ACTR3C: variants seen among roughly 807,000 people sequenced by gnomAD.
The protein encoded by ACTR3C is actin-related protein 3C.
ACTR3C carries 18 observed loss-of-function variants against 26.3 expected under a neutral mutation model. The observed-to-expected ratio is 0.68, with a 90% confidence interval of 0.47 to 1.01. The LOEUF is 1.01. ACTR3C is among the 50% of genes least tolerant of loss of function. The pLI is 0.00. For synonymous variants in ACTR3C, 55 were observed against 94.5 expected (o/e 0.58, Z 2.42); for missense variants, 184 against 250.7 (o/e 0.73, Z 1.80).
the ACTR3C span, among the ~76,000 whole-genome samples, chr7:149,996,582 A>AAAATAAAT: frequency 1.5e-4 from 22 of 149,016 alleles, no homozygotes; most frequent in Admixed American, 3.4e-4. Flanking sequence ...TTCTGGTAAA[A>AAAATAAAT]AAATAAATAA....
the ACTR3C span, among the ~76,000 whole-genome samples, chr7:149,901,593 A>T: frequency 6.6e-6 from 1 of 152,140 alleles, no homozygotes; most frequent in East Asian, 1.9e-4. Context: ...AGCTATAATG[A>T]TGAATCAAAA....
At chr7:150,278,668 A>G (rs1171374354) in intron 6 of ACTR3C, among the ~76,000 whole-genome samples, 2 of 152,238 alleles carry the variant, frequency 1.3e-5, no homozygotes, top group African/African-American at 4.8e-5. Flanking sequence ...TGAGCTGGGC[A>G]AGTCAATGTC....
chr7:149,904,895 G>A, the ACTR3C span, among the ~76,000 whole-genome samples: 1 of 151,628 alleles, frequency 6.6e-6, no homozygotes, highest in East Asian at 1.9e-4. Context: ...ACGTGGTGGT[G>A]GGCGCCTGTA....
chr7:149,986,182 C>T, the ACTR3C span, among the ~76,000 whole-genome samples: 1 of 151,984 alleles, frequency 6.6e-6, no homozygotes. Flanking sequence ...TTGCAAACTT[C>T]CTAGGAAATC....
At chr7:149,989,606 A>G in the ACTR3C span, among the ~76,000 whole-genome samples, 1 of 151,866 alleles carries the variant, frequency 6.6e-6, no homozygotes, top group South Asian at 2.1e-4. Context: ...CAATTGACAG[A>G]CTCTCCTGCT....
intron 6 of ACTR3C, among the ~76,000 whole-genome samples, chr7:150,282,964 G>A (rs59712970): frequency 0.19 from 27,083 of 146,300 alleles, 4,364 homozygotes; most frequent in African/African-American, 0.37. Flanking sequence ...AAAGCCAACC[G>A]TGCCACTTGG....
the ACTR3C span, among the ~76,000 whole-genome samples, chr7:150,079,853 A>G: frequency 1.4e-4 from 22 of 152,240 alleles, no homozygotes; most frequent in African/African-American, 5.1e-4. Flanking sequence ...AGACCTTTCT[A>G]GATCCCCAAA....
chr7:149,970,362 G>A, the ACTR3C span, among the ~76,000 whole-genome samples: 1 of 151,802 alleles, frequency 6.6e-6, no homozygotes, highest in South Asian at 2.1e-4. Flanking sequence ...TGTTCATCTT[G>A]GAAGCAAAAT....
chr7:150,204,723 G>A, the ACTR3C span, among the ~76,000 whole-genome samples: 6 of 151,982 alleles, frequency 3.9e-5, no homozygotes, highest in South Asian at 2.1e-4. Context: ...GAGGATTGAC[G>A]AGTGCAGAGG....
chr7:150,119,876 C>T, the ACTR3C span, among the ~76,000 whole-genome samples: 7 of 152,214 alleles, frequency 4.6e-5, no homozygotes, highest in South Asian at 4.2e-4. Context: ...GAAATTAAAG[C>T]GAACAGTCTC....
chr7:150,047,415 C>T, the ACTR3C span, among the ~76,000 whole-genome samples: 3 of 152,276 alleles, frequency 2.0e-5, no homozygotes, highest in Middle Eastern at 3.4e-3. Context: ...CGGCTGCAGA[C>T]ACAGACCCGC....
the ACTR3C span, among the ~76,000 whole-genome samples, chr7:149,906,619 A>G: frequency 2.0e-5 from 3 of 147,070 alleles, no homozygotes; most frequent in East Asian, 6.0e-4. Context: ...TTTAGTAGAG[A>G]TGGGGTGTTG....
At chr7:150,150,369 T>C in the ACTR3C span, among the ~76,000 whole-genome samples, 1 of 152,240 alleles carries the variant, frequency 6.6e-6, no homozygotes, top group Non-Finnish European at 1.5e-5. Context: ...ATTGAGGCTA[T>C]GTTCTCAGCT....
At chr7:149,986,250 G>C in the ACTR3C span, among the ~76,000 whole-genome samples, 2 of 152,224 alleles carry the variant, frequency 1.3e-5, no homozygotes, top group African/African-American at 2.4e-5. Context: ...CATTGCCAAA[G>C]CCTCCATCCC....
chr7:150,037,857 C>G, the ACTR3C span, among the ~76,000 whole-genome samples: 1 of 100,290 alleles, frequency 1.0e-5, no homozygotes, highest in African/African-American at 3.8e-5. Flanking sequence ...GCCTCCGCCC[C>G]CAGCGATGGG....
the ACTR3C span, among the ~76,000 whole-genome samples, chr7:150,193,253 G>A: frequency 2.0e-5 from 3 of 151,400 alleles, no homozygotes; most frequent in African/African-American, 4.9e-5. Context: ...TAAGCTTATG[G>A]GCATAGAATT....
At chr7:150,272,409 G>A (rs1834518273) in intron 6 of ACTR3C, among the ~76,000 whole-genome samples, 1 of 139,262 alleles carries the variant, frequency 7.2e-6, no homozygotes, top group Non-Finnish European at 1.5e-5. Context: ...GGATTAAAAC[G>A]TTGTCTGAGC....
chr7:150,237,817 C>T, the ACTR3C span, among the ~76,000 whole-genome samples: 1 of 151,150 alleles, frequency 6.6e-6, no homozygotes, highest in Non-Finnish European at 1.5e-5. Context: ...TAGAAGTCAC[C>T]CAAGCATATT....
chr7:150,213,480 G>T, the ACTR3C span, among the ~76,000 whole-genome samples: 2 of 152,202 alleles, frequency 1.3e-5, no homozygotes, highest in Non-Finnish European at 2.9e-5. Context: ...TCTTGAAGAG[G>T]ACTCACTTGG....
Sources: gnomAD v4.1 joint callset for allele counts (sites outside exome capture counted in the v4.1 genomes callset) on GRCh38, gnomAD v4.1.1 for gene constraint, MANE v1.5 for transcripts, NCBI Gene and HGNC (gene_info 2026-07-23, HGNC 2026-07-21) for gene names.